Variants in GFI1 observed in about 807,000 individuals in gnomAD.
The protein encoded by GFI1 is zinc finger protein Gfi-1.
A neutral mutation model predicts 39.2 loss-of-function variants in GFI1; 15 were observed. The observed-to-expected ratio is 0.38, with a 90% confidence interval of 0.26 to 0.59. The LOEUF (loss-of-function observed/expected upper bound fraction) is 0.59, where lower values mean the gene tolerates loss of function less well. Among genes scored for constraint, GFI1 ranks in the 20% least tolerant of loss-of-function variants. GFI1 has a pLI of 0.62. For synonymous variants in GFI1, 239 were observed against 254.3 expected (o/e 0.94, Z 0.57); for missense variants, 475 against 574.0 (o/e 0.83, Z 1.76).
At position 92,482,349 on chromosome 1, in the gene GFI1, C is replaced by A. The variant is rs898706631; in HGVS notation, c.298+515G>T. ...GCAGGCCCCTGAGGCTAGGTTAACC[C>A]GGCAAAACGAAAAATGAAACAGGCC... On this transcript the variant is annotated intron_variant, in intron 3 of 6. Transcript: ENST00000294702. This position sits in a 1 kb window ranked among gnomAD's most constrained non-coding sequence, Gnocchi z 4.4. Among the ~76,000 whole-genome samples the A allele has an allele frequency of 3.9e-5, 6 of 152,016 alleles. No individual in the cohort carries two copies. Among genetic ancestry groups the A allele is most frequent in the African/African-American group, 9.7e-5 (4 of 41,382 alleles).
chr1:92,475,759 G>T lies in GFI1; in HGVS notation c.*270C>A. 2.0e-6 allele frequency: 1 copy of T among 500,240 alleles called. No homozygotes were observed. Among genetic ancestry groups the T allele is most frequent in the Non-Finnish European group, 3.7e-6 (1 of 273,298 alleles). The allele number at this position is 500,240 out of a possible 1,614,324, so 31.0% of individuals were successfully genotyped here. Reference sequence around the variant, plus strand: ...CTGGTCCCCATTTGACTTTGCCTTTGTCTTCAGGTGTAGAGGAGCCTATTT... The same window carrying T: ...CTGGTCCCCATTTGACTTTGCCTTTTTCTTCAGGTGTAGAGGAGCCTATTT... On this transcript the variant is annotated 3_prime_UTR_variant, in exon 7 of 7. Coordinates refer to ENST00000294702, the MANE Select transcript of GFI1 (RefSeq NM_005263.5).
At chr1:92,485,637 G>A (rs940944952) in intron 1 of GFI1, among the ~76,000 whole-genome samples, 2 of 152,166 alleles carry the variant, frequency 1.3e-5, no homozygotes, top group African/African-American at 4.8e-5. Flanking sequence ...CGGGAGGTGG[G>A]GCGGCCCCTC....
rs1657934112 is a variant in GFI1 at position 92,475,815 on chromosome 1, T to G, written c.*214A>C. 1 of 592,996 alleles carries G rather than the reference T, an allele frequency of 1.7e-6. No homozygotes were observed. 36.7% of individuals were successfully genotyped at this position (592,996 alleles called of 1,614,324 possible). A position where few individuals can be genotyped will look rare whatever the true frequency, so the allele number is the denominator to read the frequency against. ...CGAAGCCTAGAGAGTCACTTGGTTC[T>G]CACTCTCGGCTGCACTTTGAAAAGG... On this transcript the variant is annotated 3_prime_UTR_variant, in exon 7 of 7. Transcript: ENST00000294702.
chr1:92,475,987 C>T lies in GFI1; in HGVS notation c.*42G>A. ...TGGTGGCAAGCAGGGAGGCTGCCCT[C>T]TGTAGTGTTGTGTAGCTGCTGCTTG... On this transcript the variant is annotated 3_prime_UTR_variant, in exon 7 of 7. Coordinates refer to ENST00000294702, the MANE Select transcript of GFI1 (RefSeq NM_005263.5). 6.3e-7 allele frequency: 1 copy of T among 1,590,350 alleles called. No homozygotes were observed. Among genetic ancestry groups the T allele is most frequent in the Admixed American group, 1.7e-5 (1 of 59,110 alleles).
chr1:92,477,490 C>T (rs978911578), intron 6 of GFI1, among the ~76,000 whole-genome samples: 1 of 152,160 alleles, frequency 6.6e-6, no homozygotes, highest in Non-Finnish European at 1.5e-5. Flanking sequence ...TATTCATATT[C>T]TGCAATAAAA....
chr1:92,475,732 T>C lies in GFI1; in HGVS notation c.*297A>G, dbSNP rs1026290619. On this transcript the variant is annotated 3_prime_UTR_variant, in exon 7 of 7. Coordinates refer to ENST00000294702, the MANE Select transcript of GFI1 (RefSeq NM_005263.5). ...GAAGGACTGTGGGGTCTAAGATTTATTCTGGTCCCCATTTGACTTTGCCTT... is the reference window on the plus strand; with the variant it reads ...GAAGGACTGTGGGGTCTAAGATTTACTCTGGTCCCCATTTGACTTTGCCTT... 2.2e-6 allele frequency: 1 copy of C among 447,964 alleles called. No individual in the cohort carries two copies. Among genetic ancestry groups the C allele is most frequent in the Non-Finnish European group, 4.2e-6 (1 of 240,456 alleles). 27.7% of individuals were successfully genotyped at this position (447,964 alleles called of 1,614,324 possible). A position where few individuals can be genotyped will look rare whatever the true frequency, so the allele number is the denominator to read the frequency against.
At chr1:92,478,538 A>G in intron 6 of GFI1, 50 bp downstream of exon 6, 2 of 1,487,248 alleles carry the variant, frequency 1.3e-6, no homozygotes, top group South Asian at 2.3e-5. Flanking sequence ...GAAGATGAGT[A>G]ATGTTGGCCT....
rs1007375049 is a variant in GFI1, at chr1:92,475,014, G to C, written c.*1015C>G. 6.6e-6 allele frequency: 1 copy of C among 152,144 alleles called. No homozygotes were observed. Among genetic ancestry groups the C allele is most frequent in the Non-Finnish European group, 1.5e-5 (1 of 68,028 alleles). The allele number at this position is 152,144 out of a possible 1,614,324, so 9.4% of individuals were successfully genotyped here. ...AAACTGAATATACACACATATCTTT[G>C]AAGTAACTGTTCAGCTTTTTGTTTA... is the stretch of plus-strand genomic sequence containing the variant. On this transcript the variant is annotated 3_prime_UTR_variant, in exon 7 of 7. Transcript: ENST00000294702.
rs535088532 is a variant in GFI1 at position 92,482,045 on chromosome 1, C to T, written c.298+819G>A. On this transcript the variant is annotated intron_variant, in intron 3 of 6. Coordinates refer to ENST00000294702, the MANE Select transcript of GFI1 (RefSeq NM_005263.5). The surrounding 1 kb of genome is among the most constrained non-coding windows in gnomAD (Gnocchi z 4.4). ...GGTTCGGGGCGCGCCCAATCCTTGT[C>T]TGGCCACTTGACGCCCTGGCAGGAA... Among the ~76,000 whole-genome samples the T allele has an allele frequency of 1.7e-3, 259 of 151,968 alleles. No homozygotes were observed. The highest frequency in any genetic ancestry group is 2.8e-3 in the Non-Finnish European group (190 of 67,956).
Position 92,474,723 on chromosome 1 carries a change from T to A in GFI1, c.*1306A>T, listed in dbSNP as rs1382157090. 6.6e-6 allele frequency: 1 copy of A among 152,616 alleles called. No individual in the cohort carries two copies. Among genetic ancestry groups the A allele is most frequent in the Non-Finnish European group, 1.5e-5 (1 of 68,048 alleles). The allele number at this position is 152,616 out of a possible 1,614,324, so 9.5% of individuals were successfully genotyped here. On this transcript the variant is annotated 3_prime_UTR_variant, in exon 7 of 7. Transcript: ENST00000294702. Reference sequence around the variant, plus strand: ...TTCCCCCTACAGACTAAAACAAAGGTCTTCCCCAAATTCCCTGCCTAAAGG... The same window carrying A: ...TTCCCCCTACAGACTAAAACAAAGGACTTCCCCAAATTCCCTGCCTAAAGG...
At chr1:92,485,889 G>A (rs911394825) in intron 1 of GFI1, 1 of 152,218 alleles carries the variant, frequency 6.6e-6, no homozygotes, top group Non-Finnish European at 1.5e-5. Flanking sequence ...GCTCCCGCAC[G>A]GCGGTCCGCA....
rs1003497341 is a variant in GFI1 at position 92,474,889 on chromosome 1, C to A, written c.*1140G>T. 6 of 152,562 alleles carry A rather than the reference C, an allele frequency of 3.9e-5. No individual in the cohort carries two copies. 9.5% of individuals were successfully genotyped at this position (152,562 alleles called of 1,614,324 possible). On this transcript the variant is annotated 3_prime_UTR_variant, in exon 7 of 7. Coordinates refer to ENST00000294702, the MANE Select transcript of GFI1 (RefSeq NM_005263.5). ...AAAGTGAAAATACCACCTTTCCCCCCTCTATGGTACACATGGAGGGTCAAA... is the reference window on the plus strand; with the variant it reads ...AAAGTGAAAATACCACCTTTCCCCCATCTATGGTACACATGGAGGGTCAAA...
chr1:92,481,125 A>T lies in GFI1; in HGVS notation c.299-37T>A. ...CAAGGGGAGCGTCCGGTCAGGCTTCAGACGGCAGAGCGGAGGCCGCCGGGC... is the reference window on the plus strand; with the variant it reads ...CAAGGGGAGCGTCCGGTCAGGCTTCTGACGGCAGAGCGGAGGCCGCCGGGC... On this transcript the variant is annotated intron_variant, in intron 3 of 6. Coordinates refer to ENST00000294702, the MANE Select transcript of GFI1 (RefSeq NM_005263.5). This position sits in a 1 kb window ranked among gnomAD's most constrained non-coding sequence, Gnocchi z 4.3. 3 of 1,576,262 alleles carry T rather than the reference A, an allele frequency of 1.9e-6. No individual in the cohort carries two copies. The highest frequency in any genetic ancestry group is 2.6e-6 in the Non-Finnish European group (3 of 1,152,920).
rs1016311160 is a variant in GFI1 at position 92,474,203 on chromosome 1, G to A, written c.*1826C>T. Among the ~76,000 whole-genome samples, 15 of 152,208 alleles carry A rather than the reference G, an allele frequency of 9.9e-5. No individual in the cohort carries two copies. Among genetic ancestry groups the A allele is most frequent in the African/African-American group, 2.9e-4 (12 of 41,448 alleles). ...AGATTTGTGACTTGCATTAGGGGAG[G>A]CAGCTAACCAATCTCACACTTTTTT... On this transcript the variant is annotated 3_prime_UTR_variant, in exon 7 of 7. Coordinates refer to ENST00000294702, the MANE Select transcript of GFI1 (RefSeq NM_005263.5).
At position 92,482,998 on chromosome 1, in the gene GFI1, AAACGGTCC is replaced by A; in HGVS notation, c.156_163del (p.Asp53ValfsTer32). ...TTCGGTCAGCTGCGATTCGGGGGACAAACGGTCCCGGGGCTCCGCCTTCGCCCCGCCTG... is the reference window on the plus strand; with the variant it reads ...TTCGGTCAGCTGCGATTCGGGGGACACGGGGCTCCGCCTTCGCCCCGCCTG... On this transcript the variant is annotated frameshift_variant, in exon 3 of 7. Coordinates refer to ENST00000294702, the MANE Select transcript of GFI1 (RefSeq NM_005263.5). LOFTEE classifies it high-confidence loss of function. This position sits in a 1 kb window ranked among gnomAD's most constrained non-coding sequence, Gnocchi z 4.4. The A allele has an allele frequency of 6.2e-7, 1 of 1,609,742 alleles. No homozygotes were observed. The highest frequency in any genetic ancestry group is 8.5e-7 in the Non-Finnish European group (1 of 1,177,696).
intron 1 of GFI1, among the ~76,000 whole-genome samples, chr1:92,485,185 C>T (rs774010379): frequency 6.6e-6 from 1 of 152,228 alleles, no homozygotes; most frequent in Non-Finnish European, 1.5e-5. Context: ...CGCCAGAATG[C>T]CCCTAGGGGT....
At position 92,483,683 on chromosome 1, in the gene GFI1, C is replaced by A. The variant is rs12094593; in HGVS notation, c.-99-97G>T. 968 of 634,768 alleles carry A rather than the reference C, an allele frequency of 1.5e-3. 2 individuals carry two copies. Among genetic ancestry groups the A allele is most frequent in the Non-Finnish European group, 2.4e-3 (834 of 347,116 alleles). 39.3% of individuals were successfully genotyped at this position (634,768 alleles called of 1,614,324 possible). On this transcript the variant is annotated intron_variant, in intron 1 of 6. Transcript: ENST00000294702. ...GGAGGGAGAGCGCGGGCCAGGGAGG[C>A]GCGCAGAGGGCCCACGGGAGGAGGG...
rs1296503767 is a variant in GFI1 at position 92,484,789 on chromosome 1, C to G, written c.-99-1203G>C. On this transcript the variant is annotated intron_variant, in intron 1 of 6. Transcript: ENST00000294702. The surrounding 1 kb of genome is among the most constrained non-coding windows in gnomAD (Gnocchi z 4.1). The stretch of plus-strand genomic sequence containing the variant: ...CTGGAGTAAACGAATCTGCCTTCCT[C>G]CCGGGGTGAAGGCGATGGTGACCGG... The G allele has an allele frequency of 6.6e-6, 1 of 152,318 alleles. No homozygotes were observed. Among genetic ancestry groups the G allele is most frequent in the Non-Finnish European group, 1.5e-5 (1 of 68,110 alleles). 9.4% of individuals were successfully genotyped at this position (152,318 alleles called of 1,614,324 possible).
intron 6 of GFI1, 55 bp from the exon 7 acceptor site, chr1:92,476,262 G>T: frequency 6.6e-7 from 1 of 1,513,580 alleles, no homozygotes; most frequent in East Asian, 2.4e-5. Context: ...AAAGCTAGAG[G>T]GGACCCACTG....
Sources: allele counts gnomAD v4.1 joint callset (sites outside exome capture counted in the v4.1 genomes callset), GRCh38; gene constraint gnomAD v4.1.1; non-coding constraint Gnocchi (gnomAD v3.1); transcripts MANE v1.5; gene names NCBI Gene and HGNC (gene_info 2026-07-23, HGNC 2026-07-21).